TMEM135: variants seen among roughly 807,000 people sequenced by gnomAD.
TMEM135 encodes the protein transmembrane protein 135, also known as peroxisomal membrane protein 52.
TMEM135 carries 30 observed loss-of-function variants against 60.3 expected under a neutral mutation model. The observed-to-expected ratio is 0.50, with a 90% confidence interval of 0.37 to 0.68. The LOEUF (loss-of-function observed/expected upper bound fraction) is 0.68, where lower values mean the gene tolerates loss of function less well. TMEM135 is among the 30% of genes least tolerant of loss of function. TMEM135 has a pLI of 0.00. For missense variants in TMEM135, 468 were observed against 548.8 expected (o/e 0.85, Z 1.47); for synonymous variants, 190 against 186.7 (o/e 1.02, Z -0.14).
intron 4 of TMEM135, among the ~76,000 whole-genome samples, chr11:87,116,198 A>G (rs913983383): frequency 6.6e-6 from 1 of 152,150 alleles, no homozygotes; most frequent in African/African-American, 2.4e-5. Context: ...TCATAGTTTA[A>G]AATGTAAAAT....
chr11:87,230,937 C>T (rs1176466486), intron 5 of TMEM135, among the ~76,000 whole-genome samples: 2 of 152,024 alleles, frequency 1.3e-5, no homozygotes, highest in Non-Finnish European at 2.9e-5. Flanking sequence ...TAGATTTGCT[C>T]TTCCAGTTGG....
intron 3 of TMEM135, among the ~76,000 whole-genome samples, chr11:87,076,893 G>A (rs1417511816): frequency 6.6e-6 from 1 of 152,198 alleles, no homozygotes; most frequent in Non-Finnish European, 1.5e-5. Flanking sequence ...CTGTGGCTGA[G>A]CTGGTATCCA....
At chr11:87,077,256 C>A (rs957752468) in intron 3 of TMEM135, among the ~76,000 whole-genome samples, 4 of 152,250 alleles carry the variant, frequency 2.6e-5, no homozygotes, top group African/African-American at 9.6e-5. Context: ...TGGACATAGG[C>A]TTTTTCTTTT....
At position 87,203,310 on chromosome 11, in the gene TMEM135, T is replaced by C. The variant is rs868712673; in HGVS notation, c.463-33328T>C. 5.3e-5 allele frequency among the ~76,000 whole-genome samples: 8 copies of C among 152,262 alleles called. No individual in the cohort carries two copies. The South Asian group carries it at 8.3e-4, about 16-fold the overall frequency. Reference sequence around the variant, plus strand: ...ATGACATGTATCCATCATTATAGTATCATACAGAGTATTTTTGCTCCCTCA... The same window carrying C: ...ATGACATGTATCCATCATTATAGTACCATACAGAGTATTTTTGCTCCCTCA... On this transcript the variant is annotated intron_variant, in intron 5 of 14. Coordinates refer to ENST00000305494, the MANE Select transcript of TMEM135 (RefSeq NM_022918.4).
chr11:87,133,582 A>G (rs1419893556), intron 4 of TMEM135, among the ~76,000 whole-genome samples: 1 of 152,238 alleles, frequency 6.6e-6, no homozygotes, highest in East Asian at 1.9e-4. Flanking sequence ...TATTTAAAGT[A>G]TATTGATACA....
intron 3 of TMEM135, among the ~76,000 whole-genome samples, chr11:87,084,073 T>C (rs183752726): frequency 1.3e-4 from 20 of 152,256 alleles, no homozygotes; most frequent in East Asian, 7.7e-4. Context: ...TGTAGTATTA[T>C]TCAAAACTTT....
chr11:87,068,583 G>T (rs1218712545), intron 2 of TMEM135, among the ~76,000 whole-genome samples: 2 of 151,990 alleles, frequency 1.3e-5, no homozygotes, highest in African/African-American at 4.8e-5. Flanking sequence ...GGCCGAGGCG[G>T]GTGGATCACA....
chr11:87,152,490 T>C (rs1269316130), intron 4 of TMEM135, among the ~76,000 whole-genome samples: 1 of 152,196 alleles, frequency 6.6e-6, no homozygotes, highest in Non-Finnish European at 1.5e-5. Context: ...TTTTCACTCT[T>C]GACGCCCAGG....
At chr11:87,141,177 A>G (rs1938251191) in intron 4 of TMEM135, among the ~76,000 whole-genome samples, 2 of 152,020 alleles carry the variant, frequency 1.3e-5, no homozygotes. Context: ...TTTATGAACA[A>G]TTTGAGGAGA....
intron 5 of TMEM135, among the ~76,000 whole-genome samples, chr11:87,207,411 A>G (rs1357517152): frequency 2.0e-5 from 3 of 152,026 alleles, no homozygotes; most frequent in Non-Finnish European, 4.4e-5. Context: ...AAATCATTTT[A>G]GTAGAGTTTT....
intron 5 of TMEM135, among the ~76,000 whole-genome samples, chr11:87,219,996 T>C (rs768384732): frequency 2.6e-5 from 4 of 152,206 alleles, no homozygotes; most frequent in Non-Finnish European, 5.9e-5. Flanking sequence ...AGCATGTAAA[T>C]GTCTAGGTTC....
chr11:87,327,760 TG>T lies in TMEM135; in HGVS notation c.*6432del, dbSNP rs569682820. 9.7e-4 allele frequency: 440 copies of T among 453,950 alleles called. 2 individuals carry two copies. Among genetic ancestry groups the T allele is most frequent in the Non-Finnish European group, 1.7e-3 (378 of 226,760 alleles). The allele number at this position is 453,950 out of a possible 1,614,324, so 28.1% of individuals were successfully genotyped here. A position where few individuals can be genotyped will look rare whatever the true frequency, so the allele number is the denominator to read the frequency against. On this transcript the variant is annotated 3_prime_UTR_variant, in exon 15 of 15. Transcript: ENST00000305494. ...GGCTGAATTTTCAAGTCTGAGAACCTGGGGGTGGGATGGGGGAGTGATAGTT... is the reference window on the plus strand; with the variant it reads ...GGCTGAATTTTCAAGTCTGAGAACCTGGGGTGGGATGGGGGAGTGATAGTT...
intron 6 of TMEM135, among the ~76,000 whole-genome samples, chr11:87,275,281 C>T (rs779484224): frequency 2.4e-4 from 36 of 151,746 alleles, no homozygotes; most frequent in Non-Finnish European, 5.2e-4. Context: ...TCCTTTTTTT[C>T]AACAAAGTGA....
chr11:87,195,391 T>TTCTCTCTCTCTCTCTTTCTCTC lies in TMEM135; in HGVS notation c.462+38000_462+38001insTTCTCTCTCTCTCTCTCTCTCT, dbSNP rs1555116640. Among the ~76,000 whole-genome samples the TTCTCTCTCTCTCTCTTTCTCTC allele has an allele frequency of 6.8e-4, 45 of 65,792 alleles. 1 individual carries two copies. Among genetic ancestry groups the TTCTCTCTCTCTCTCTTTCTCTC allele is most frequent in the Non-Finnish European group, 1.1e-3 (36 of 31,684 alleles). The allele number at this position is 65,792 out of a possible 152,430, so 43.2% of individuals were successfully genotyped here. A position where few individuals can be genotyped will look rare whatever the true frequency, so the allele number is the denominator to read the frequency against. ...CTTCCTTCCTTCCTTCCTTCCTTCCTTCTCTCTCTCTCTCTCTCTGTTTCT... is the reference window on the plus strand; with the variant it reads ...CTTCCTTCCTTCCTTCCTTCCTTCCTTCTCTCTCTCTCTCTTTCTCTCTCTCTCTCTCTCTCTCTCTGTTTCT... On this transcript the variant is annotated intron_variant, in intron 5 of 14. Coordinates refer to ENST00000305494, the MANE Select transcript of TMEM135 (RefSeq NM_022918.4).
intron 3 of TMEM135, among the ~76,000 whole-genome samples, chr11:87,075,223 A>G (rs1856846201): frequency 1.3e-5 from 2 of 151,466 alleles, no homozygotes; most frequent in Admixed American, 6.6e-5. Context: ...CGGTGGCGCC[A>G]TCTCTGTTCA....
intron 3 of TMEM135, among the ~76,000 whole-genome samples, chr11:87,075,689 T>C (rs1339285538): frequency 6.6e-6 from 1 of 152,226 alleles, no homozygotes; most frequent in Non-Finnish European, 1.5e-5. Flanking sequence ...GTAATACATT[T>C]CTGATTTGTC....
At position 87,038,638 on chromosome 11, in the gene TMEM135, A is replaced by G. The variant is rs1278929113; in HGVS notation, c.141+452A>G. Among the ~76,000 whole-genome samples, 6 of 140,692 alleles carry G rather than the reference A, an allele frequency of 4.3e-5. 1 individual carries two copies. Among genetic ancestry groups the G allele is most frequent in the Admixed American group, 1.4e-4 (2 of 13,920 alleles). 92.3% of individuals were successfully genotyped at this position (140,692 alleles called of 152,430 possible). On this transcript the variant is annotated intron_variant, in intron 1 of 14. Coordinates refer to ENST00000305494, the MANE Select transcript of TMEM135 (RefSeq NM_022918.4). ...TTTTTTTTTTTTTTTTTAATGAAGA[A>G]GGCATATTTGGCCCTAAGTCCCTGT... is the stretch of plus-strand genomic sequence containing the variant.
chr11:87,055,843 G>A (rs1949889390), intron 1 of TMEM135, among the ~76,000 whole-genome samples: 1 of 152,176 alleles, frequency 6.6e-6, no homozygotes, highest in Admixed American at 6.5e-5. Context: ...ACCCGCCTCT[G>A]TTACAGGAAA....
chr11:87,233,010 G>A (rs1940921217), intron 5 of TMEM135, among the ~76,000 whole-genome samples: 2 of 152,082 alleles, frequency 1.3e-5, no homozygotes, highest in African/African-American at 2.4e-5. Context: ...AATTAGCTGG[G>A]TGTGGTGACA....
Sources: gnomAD v4.1 joint callset for allele counts (sites outside exome capture counted in the v4.1 genomes callset) on GRCh38, gnomAD v4.1.1 for gene constraint, MANE v1.5 for transcripts, NCBI Gene and HGNC (gene_info 2026-07-23, HGNC 2026-07-21) for gene names.